The following SLAIN1 variants were observed in gnomAD, a reference collection of about 807,000 sequenced individuals.
SLAIN1 encodes SLAIN motif-containing protein 1.
SLAIN1 carries 17 observed loss-of-function variants against 55.4 expected under a neutral mutation model. That is an observed-to-expected ratio of 0.31 (90% CI 0.21 to 0.46). The LOEUF (loss-of-function observed/expected upper bound fraction) is 0.46, where lower values mean the gene tolerates loss of function less well. Among genes scored for constraint, SLAIN1 ranks in the 20% least tolerant of loss-of-function variants. The pLI is 1.00. For missense variants in SLAIN1, 682 were observed against 785.1 expected (o/e 0.87, Z 1.57); for synonymous variants, 348 against 337.4 (o/e 1.03, Z -0.35).
rs1369211069 is a variant in SLAIN1 at position 77,746,805 on chromosome 13, A to T, written c.1208A>T (p.Tyr403Phe). The change falls in exon 4 of 7, where the codon TAT (tyrosine) becomes TTT (phenylalanine). Residue 403 changes from tyrosine (Y) to phenylalanine (F), a missense_variant. Physicochemically the swap from Tyr to Phe is conservative, Grantham distance 22 (BLOSUM62 3). This residue lies in a region of SLAIN1 where 244 missense variants were observed against 295.2 expected (regional missense o/e 0.83). Transcript: ENST00000418532. ...PSNNYQQQQY[Y>F]SPQAQTPDQQ... Reference sequence around the variant, plus strand: ...AATAATTACCAGCAGCAACAGTATTATTCACCTCAAGCCCAAACTCCAGAT... The same window carrying T: ...AATAATTACCAGCAGCAACAGTATTTTTCACCTCAAGCCCAAACTCCAGAT... 1 of 1,613,804 alleles carries T rather than the reference A, an allele frequency of 6.2e-7. No individual in the cohort carries two copies. Among genetic ancestry groups the T allele is most frequent in the East Asian group, 2.2e-5 (1 of 44,874 alleles).
intron 1 of SLAIN1, among the ~76,000 whole-genome samples, chr13:77,704,066 C>T (rs1158225904): frequency 1.0e-5 from 1 of 98,188 alleles, no homozygotes; most frequent in Non-Finnish European, 1.9e-5. Context: ...TATATATATA[C>T]ATAGAAAATA....
At chr13:77,736,044 T>G (rs992643860) in intron 2 of SLAIN1, among the ~76,000 whole-genome samples, 25 of 152,088 alleles carry the variant, frequency 1.6e-4, no homozygotes, top group Non-Finnish European at 4.4e-5. Flanking sequence ...TACAGAATGA[T>G]AAGGCAGGCA....
chr13:77,734,599 A>T (rs924206513), intron 2 of SLAIN1, among the ~76,000 whole-genome samples: 4 of 152,170 alleles, frequency 2.6e-5, no homozygotes, highest in African/African-American at 9.7e-5. Flanking sequence ...AGGTAGATAC[A>T]GTGTAAGAAG....
At chr13:77,725,672 T>C (rs576120995) in intron 2 of SLAIN1, among the ~76,000 whole-genome samples, 1 of 152,306 alleles carries the variant, frequency 6.6e-6, no homozygotes, top group Admixed American at 6.5e-5. Context: ...GGGGCATAGC[T>C]GTGAGGAGCC....
chr13:77,714,168 T>C (rs186250020), intron 1 of SLAIN1, among the ~76,000 whole-genome samples: 1 of 147,280 alleles, frequency 6.8e-6, no homozygotes, highest in African/African-American at 2.6e-5. Flanking sequence ...ACTTAAAGTA[T>C]AGTAATAAAA....
chr13:77,750,173 A>T (rs575150796), intron 4 of SLAIN1, among the ~76,000 whole-genome samples: 1 of 152,324 alleles, frequency 6.6e-6, no homozygotes, highest in East Asian at 1.9e-4. Flanking sequence ...CAAAGCAAAC[A>T]AAAGTACATG....
rs562302485 is a variant in SLAIN1 at position 77,712,389 on chromosome 13, A to G, written c.627-7143A>G. ...AGCAAAGTCTCAGGATACAAAATCA[A>G]TGTGCAAAAAATCACAAGTATTTCT... On this transcript the variant is annotated intron_variant, in intron 1 of 6. Transcript: ENST00000418532. 6.6e-5 allele frequency among the ~76,000 whole-genome samples: 10 copies of G among 152,354 alleles called. No homozygotes were observed. The South Asian group carries it at 2.1e-3, about 32-fold the overall frequency.
intron 5 of SLAIN1, among the ~76,000 whole-genome samples, chr13:77,758,535 C>T (rs973598296): frequency 7.2e-5 from 11 of 152,004 alleles, no homozygotes; most frequent in African/African-American, 2.7e-4. Context: ...CCAATATTAT[C>T]TTCTAGAATT....
At chr13:77,723,377 C>G (rs527718784) in intron 2 of SLAIN1, among the ~76,000 whole-genome samples, 2 of 152,264 alleles carry the variant, frequency 1.3e-5, no homozygotes, top group South Asian at 4.1e-4. Context: ...AAGTACTTTC[C>G]TTTCTATTCC....
At chr13:77,727,444 A>AC (rs560485701) in intron 2 of SLAIN1, among the ~76,000 whole-genome samples, 83 of 151,474 alleles carry the variant, frequency 5.5e-4, no homozygotes, top group Non-Finnish European at 9.9e-4. Flanking sequence ...GGGCAAAAAA[A>AC]AAAACAAAAC....
chr13:77,747,365 AT>A (rs1249648567), intron 4 of SLAIN1, among the ~76,000 whole-genome samples: 3 of 152,116 alleles, frequency 2.0e-5, no homozygotes, highest in African/African-American at 7.2e-5. Flanking sequence ...CGTGTCCCAG[AT>A]TTATAAACGC....
chr13:77,714,795 CAACACTTGA>C (rs2091190276), intron 1 of SLAIN1, among the ~76,000 whole-genome samples: 1 of 152,104 alleles, frequency 6.6e-6, no homozygotes, highest in African/African-American at 2.4e-5. Flanking sequence ...GAACAGATTT[CAACACTTGA>C]AGTTTCCTGT....
chr13:77,750,970 C>T (rs949905102), intron 4 of SLAIN1, among the ~76,000 whole-genome samples: 12 of 151,998 alleles, frequency 7.9e-5, no homozygotes, highest in African/African-American at 2.7e-4. Context: ...CTGCCTTTTC[C>T]ACCCCAAGGG....
intron 2 of SLAIN1, among the ~76,000 whole-genome samples, chr13:77,736,792 CTTT>C (rs1368659388): frequency 7.0e-6 from 1 of 143,724 alleles, no homozygotes. Context: ...CTGCATTAGT[CTTT>C]TTTTTTTTTT....
At chr13:77,710,018 A>C (rs1049010494) in intron 1 of SLAIN1, among the ~76,000 whole-genome samples, 8 of 152,010 alleles carry the variant, frequency 5.3e-5, no homozygotes, top group African/African-American at 1.9e-4. Flanking sequence ...ATGATCTGCC[A>C]GGCTCAGCCT....
chr13:77,715,082 G>A (rs2091193588), intron 1 of SLAIN1, among the ~76,000 whole-genome samples: 1 of 152,064 alleles, frequency 6.6e-6, no homozygotes, highest in South Asian at 2.1e-4. Flanking sequence ...TGGCCAGGAT[G>A]GTCTCGATCT....
At chr13:77,699,944 T>C (rs1237725183) in intron 1 of SLAIN1, among the ~76,000 whole-genome samples, 1 of 152,214 alleles carries the variant, frequency 6.6e-6, no homozygotes, top group Non-Finnish European at 1.5e-5. Context: ...TCAGCCCTTA[T>C]GCCACTTTCA....
At chr13:77,715,184 A>G (rs1301435723) in intron 1 of SLAIN1, among the ~76,000 whole-genome samples, 1 of 152,200 alleles carries the variant, frequency 6.6e-6, no homozygotes, top group Non-Finnish European at 1.5e-5. Context: ...ATAAAGTCAC[A>G]GACTATGTAC....
chr13:77,752,507 G>A (rs1441044227), intron 4 of SLAIN1, among the ~76,000 whole-genome samples: 1 of 152,076 alleles, frequency 6.6e-6, no homozygotes, highest in African/African-American at 2.4e-5. Flanking sequence ...TAGAGGGACA[G>A]AACTAACAGG....
Sources: gnomAD v4.1 joint callset for allele counts (sites outside exome capture counted in the v4.1 genomes callset) on GRCh38, gnomAD v4.1.1 for gene constraint, gnomAD v4.1.1 regional missense constraint, MANE v1.5 for transcripts, NCBI Gene and HGNC (gene_info 2026-07-23, HGNC 2026-07-21) for gene names.